Variants in PLPPR1 observed in about 807,000 individuals in gnomAD.
PLPPR1 encodes phospholipid phosphatase related 1.
In PLPPR1, 10 loss-of-function variants were observed where a neutral mutation model predicts 33.1. The ratio of observed to expected loss-of-function variants is 0.30; its 90% CI spans 0.19 to 0.51. The LOEUF (loss-of-function observed/expected upper bound fraction) is 0.51, where lower values mean the gene tolerates loss of function less well. Ranked by LOEUF, PLPPR1 falls within the 20% of genes least tolerant of loss-of-function variation. PLPPR1 has a pLI of 0.97. For synonymous variants in PLPPR1, 151 were observed against 151.0 expected (o/e 1.00, Z 0.00); for missense variants, 304 against 408.1 (o/e 0.74, Z 2.20).
rs977679716 is a variant in PLPPR1 at position 101,050,787 on chromosome 9, C to T, written c.-46+21685C>T. Among the ~76,000 whole-genome samples, 14 of 152,336 alleles carry T rather than the reference C, an allele frequency of 9.2e-5. No individual in the cohort carries two copies. The Middle Eastern group carries it at 0.01, about 111-fold the overall frequency. The stretch of plus-strand genomic sequence containing the variant: ...GCAGCATTGATTGATCCTAGACAAA[C>T]TAGAACTCTTCTCACTTTGAAACTC... On this transcript the variant is annotated intron_variant, in intron 1 of 7. Coordinates refer to ENST00000374874, the MANE Select transcript of PLPPR1 (RefSeq NM_207299.2).
intron 7 of PLPPR1, among the ~76,000 whole-genome samples, chr9:101,321,616 G>T (rs1262362146): frequency 6.6e-6 from 1 of 151,958 alleles, no homozygotes; most frequent in Non-Finnish European, 1.5e-5. Flanking sequence ...TTGTTCAGTT[G>T]AGTTCTTGTC....
chr9:101,239,184 G>A (rs748460535), intron 2 of PLPPR1, among the ~76,000 whole-genome samples: 2 of 151,664 alleles, frequency 1.3e-5, no homozygotes, highest in Non-Finnish European at 2.9e-5. Context: ...CAATAAACGT[G>A]GGGGTGCAGG....
chr9:101,153,319 T>C (rs1041274785), intron 1 of PLPPR1, among the ~76,000 whole-genome samples: 2 of 152,218 alleles, frequency 1.3e-5, no homozygotes, highest in Non-Finnish European at 2.9e-5. Context: ...TTTCTAAATA[T>C]ATAATCATGT....
At chr9:101,034,630 T>A (rs970558854) in intron 1 of PLPPR1, among the ~76,000 whole-genome samples, 7 of 152,164 alleles carry the variant, frequency 4.6e-5, no homozygotes, top group African/African-American at 1.7e-4. Flanking sequence ...TACTCCTGCT[T>A]TTAAGATGGA....
intron 2 of PLPPR1, among the ~76,000 whole-genome samples, chr9:101,206,624 A>G (rs12351067): frequency 0.12 from 18,876 of 152,118 alleles, 1,421 homozygotes; most frequent in East Asian, 0.28. Flanking sequence ...TGGCTCACTT[A>G]CCAGCAGAGT....
At chr9:101,283,824 GAAGAA>G (rs1440573299) in intron 3 of PLPPR1, among the ~76,000 whole-genome samples, 2 of 151,814 alleles carry the variant, frequency 1.3e-5, no homozygotes, top group African/African-American at 4.8e-5. Context: ...ATTTAAAAAT[GAAGAA>G]AAGGCCTAAA....
chr9:101,153,667 C>T (rs1002447949), intron 1 of PLPPR1, among the ~76,000 whole-genome samples: 8 of 152,272 alleles, frequency 5.3e-5, no homozygotes, highest in South Asian at 2.1e-4. Context: ...CTCCGACTCC[C>T]GGGTTCACAC....
rs150090299 is a variant in PLPPR1, at chr9:101,162,571, T to C, written c.-45-22879T>C. Among the ~76,000 whole-genome samples, 422 of 152,194 alleles carry C rather than the reference T, an allele frequency of 2.8e-3. 3 individuals carry two copies. The highest frequency in any genetic ancestry group is 9.1e-3 in the African/African-American group (377 of 41,416). On this transcript the variant is annotated intron_variant, in intron 1 of 7. Transcript: ENST00000374874. ...GCTGTAGCTATCTCTTCCTCCTTTT[T>C]AGAGCCATTGAGGCTTCTTAGCTTG...
At chr9:101,169,095 A>G (rs1028227815) in intron 1 of PLPPR1, among the ~76,000 whole-genome samples, 27 of 152,176 alleles carry the variant, frequency 1.8e-4, no homozygotes, top group Admixed American at 3.3e-4. Context: ...CAATGACAAC[A>G]TATTCTTGGC....
At chr9:101,130,820 A>T (rs1249589075) in intron 1 of PLPPR1, among the ~76,000 whole-genome samples, 2 of 152,202 alleles carry the variant, frequency 1.3e-5, no homozygotes, top group African/African-American at 2.4e-5. Flanking sequence ...TATCAGGTGC[A>T]AAGAGAGATT....
chr9:101,162,520 T>C (rs1825778587), intron 1 of PLPPR1, among the ~76,000 whole-genome samples: 3 of 152,242 alleles, frequency 2.0e-5, no homozygotes, highest in African/African-American at 4.8e-5. Flanking sequence ...TTTGTGAATT[T>C]TGTGCCAACA....
intron 1 of PLPPR1, chr9:101,125,635 G>A (rs1831236427): frequency 5.2e-6 from 3 of 571,982 alleles, no homozygotes; most frequent in South Asian, 4.8e-5. Context: ...CAATTTCCTG[G>A]AATAAGTTGT....
chr9:101,083,451 C>G (rs1401919318), intron 1 of PLPPR1, among the ~76,000 whole-genome samples: 2 of 151,894 alleles, frequency 1.3e-5, no homozygotes, highest in Admixed American at 1.3e-4. Flanking sequence ...GTAAATGAAG[C>G]CTTTTTTCTT....
intron 1 of PLPPR1, among the ~76,000 whole-genome samples, chr9:101,112,307 G>T (rs1297668383): frequency 4.6e-5 from 7 of 152,068 alleles, no homozygotes; most frequent in Non-Finnish European, 1.0e-4. Context: ...TCCACATATA[G>T]AATTAAAAAG....
At chr9:101,135,780 C>T (rs973583349) in intron 1 of PLPPR1, among the ~76,000 whole-genome samples, 2 of 152,144 alleles carry the variant, frequency 1.3e-5, no homozygotes, top group African/African-American at 4.8e-5. Context: ...CTTGGAGATC[C>T]CTGTTTGCTG....
chr9:101,197,495 A>G (rs1826418991), intron 2 of PLPPR1, among the ~76,000 whole-genome samples: 1 of 152,206 alleles, frequency 6.6e-6, no homozygotes, highest in Non-Finnish European at 1.5e-5. Context: ...CAGACTCACT[A>G]ACTTCTCAGA....
chr9:101,082,822 TCTTA>T (rs999223186), intron 1 of PLPPR1, among the ~76,000 whole-genome samples: 8 of 152,176 alleles, frequency 5.3e-5, no homozygotes, highest in Non-Finnish European at 8.8e-5. Flanking sequence ...ATCTCAGCCT[TCTTA>T]CTTGTAAAAT....
chr9:101,239,024 G>C (rs1212872570), intron 2 of PLPPR1, among the ~76,000 whole-genome samples: 2 of 149,572 alleles, frequency 1.3e-5, no homozygotes, highest in Non-Finnish European at 3.0e-5. Flanking sequence ...TATCCTCAAG[G>C]CTTACTCATG....
At chr9:101,077,475 A>G (rs1246787416) in intron 1 of PLPPR1, among the ~76,000 whole-genome samples, 1 of 152,084 alleles carries the variant, frequency 6.6e-6, no homozygotes, top group East Asian at 1.9e-4. Context: ...ATGCATTCAA[A>G]TAGTTATGCA....
Sources: gnomAD v4.1 joint callset for allele counts (sites outside exome capture counted in the v4.1 genomes callset) on GRCh38, gnomAD v4.1.1 for gene constraint, MANE v1.5 for transcripts, NCBI Gene and HGNC (gene_info 2026-07-23, HGNC 2026-07-21) for gene names.